The following PPP3R1 variants were observed in gnomAD, a reference collection of about 807,000 sequenced individuals.
The protein encoded by PPP3R1 is protein phosphatase 3 regulatory subunit B, alpha.
Under a neutral mutation model 22.6 loss-of-function variants are expected in PPP3R1, and 5 were observed. That is an observed-to-expected ratio of 0.22 (90% CI 0.12 to 0.46). The LOEUF is 0.46. Among genes scored for constraint, PPP3R1 ranks in the 20% least tolerant of loss-of-function variants. The pLI is 0.99. For synonymous variants in PPP3R1, 56 were observed against 65.2 expected, an observed-to-expected ratio of 0.86 and a Z score of 0.68; for missense variants, 61 against 203.2, an observed-to-expected ratio of 0.30 and a Z score of 4.25.
At chr2:68,203,026 CTATT>C (rs1675020215) in intron 2 of PPP3R1, among the ~76,000 whole-genome samples, 1 of 152,032 alleles carries the variant, frequency 6.6e-6, no homozygotes, top group Non-Finnish European at 1.5e-5. Context: ...GTAACCCAAA[CTATT>C]TAAGTTCATG....
chr2:68,183,724 A>G (rs937081973), intron 5 of PPP3R1, among the ~76,000 whole-genome samples: 3 of 152,132 alleles, frequency 2.0e-5, no homozygotes, highest in African/African-American at 7.2e-5. Context: ...GGTCTTGTCT[A>G]ATCTGTTTGT....
chr2:68,202,607 T>G (rs1675005024), intron 2 of PPP3R1, among the ~76,000 whole-genome samples: 1 of 151,578 alleles, frequency 6.6e-6, no homozygotes, highest in Non-Finnish European at 1.5e-5. Context: ...CTATTTTTAG[T>G]AGAGACGAGG....
chr2:68,230,997 C>T (rs1426468569), intron 1 of PPP3R1, among the ~76,000 whole-genome samples: 1 of 152,194 alleles, frequency 6.6e-6, no homozygotes, highest in Non-Finnish European at 1.5e-5. Flanking sequence ...ATTCACTTGG[C>T]TTTTTAAAAC....
At chr2:68,200,334 TTCC>T (rs1156670193) in intron 2 of PPP3R1, among the ~76,000 whole-genome samples, 4 of 152,188 alleles carry the variant, frequency 2.6e-5, no homozygotes, top group Non-Finnish European at 4.4e-5. Flanking sequence ...TACCACTGAC[TTCC>T]TCCTTATATA....
intron 1 of PPP3R1, among the ~76,000 whole-genome samples, chr2:68,233,380 A>C (rs1307112177): frequency 6.6e-6 from 1 of 152,120 alleles, no homozygotes; most frequent in Non-Finnish European, 1.5e-5. Context: ...AAATATATTG[A>C]CTCCAGAACA....
intron 2 of PPP3R1, among the ~76,000 whole-genome samples, chr2:68,194,502 A>T (rs1020554288): frequency 1.3e-5 from 2 of 152,138 alleles, no homozygotes; most frequent in African/African-American, 4.8e-5. Flanking sequence ...AGAAGGTTAC[A>T]TATTCATTCA....
At chr2:68,188,266 AAGG>A (rs1411212819) in intron 3 of PPP3R1, among the ~76,000 whole-genome samples, 1 of 152,182 alleles carries the variant, frequency 6.6e-6, no homozygotes, top group Non-Finnish European at 1.5e-5. Flanking sequence ...TCTAAAAAGA[AAGG>A]AAATACTGAG....
rs137941615 is a variant in PPP3R1 at position 68,208,017 on chromosome 2, G to A, written c.43+9075C>T. Among the ~76,000 whole-genome samples, 1,162 of 152,248 alleles carry A rather than the reference G, an allele frequency of 7.6e-3. 7 individuals are homozygous for A. Among genetic ancestry groups the A allele is most frequent in the African/African-American group, 0.027 (1,113 of 41,548 alleles). ...CTAAAAATACAAAAATTAGCCAGGC[G>A]TGGTGGTGGGTGCCTGTAATCCCAG... is the stretch of plus-strand genomic sequence containing the variant. On this transcript the variant is annotated intron_variant, in intron 2 of 5. Coordinates refer to ENST00000234310, the MANE Select transcript of PPP3R1 (RefSeq NM_000945.4).
chr2:68,252,532 C>A lies in PPP3R1; in HGVS notation c.-405G>T. The A allele has an allele frequency of 1.1e-6, 1 of 892,140 alleles. No homozygotes were observed. Among genetic ancestry groups the A allele is most frequent in the East Asian group, 1.6e-4 (1 of 6,092 alleles). 55.3% of individuals were successfully genotyped at this position (892,140 alleles called of 1,614,324 possible). ...CGCGCTGACCCGCAACCTCAAGGCA[C>A]GAAAAAAGGGGAGGGCGGAGAGGGA... On this transcript the variant is annotated 5_prime_UTR_variant, in exon 1 of 6. Coordinates refer to ENST00000234310, the MANE Select transcript of PPP3R1 (RefSeq NM_000945.4).
chr2:68,207,943 A>G (rs1255362491), intron 2 of PPP3R1, among the ~76,000 whole-genome samples: 1 of 152,124 alleles, frequency 6.6e-6, no homozygotes, highest in Non-Finnish European at 1.5e-5. Flanking sequence ...CTCGCCTGGG[A>G]TCAGGAGTTC....
intron 2 of PPP3R1, among the ~76,000 whole-genome samples, chr2:68,211,074 A>C (rs1176776425): frequency 6.6e-6 from 1 of 152,198 alleles, no homozygotes; most frequent in Admixed American, 6.5e-5. Context: ...GTGCAATAAC[A>C]TTATGCCTAA....
intron 2 of PPP3R1, among the ~76,000 whole-genome samples, chr2:68,215,283 A>G (rs976128162): frequency 2.6e-5 from 4 of 152,114 alleles, no homozygotes; most frequent in Non-Finnish European, 4.4e-5. Context: ...ACCTAAAATA[A>G]AAGTTTAAAA....
At chr2:68,183,727 CTGTT>C (rs1187513549) in intron 5 of PPP3R1, among the ~76,000 whole-genome samples, 2 of 152,108 alleles carry the variant, frequency 1.3e-5, no homozygotes, top group South Asian at 2.1e-4. Flanking sequence ...CTTGTCTAAT[CTGTT>C]TGTTTTGAAC....
chr2:68,228,321 A>G (rs1669825834), intron 1 of PPP3R1, among the ~76,000 whole-genome samples: 1 of 152,166 alleles, frequency 6.6e-6, no homozygotes, highest in Admixed American at 6.5e-5. Context: ...CTACACTGAC[A>G]TGAGGATGTT....
intron 2 of PPP3R1, among the ~76,000 whole-genome samples, chr2:68,209,776 C>A (rs1401163889): frequency 2.0e-5 from 3 of 151,948 alleles, no homozygotes; most frequent in Admixed American, 2.0e-4. Flanking sequence ...GAGTTTTAAA[C>A]TCCCTCTATC....
intron 2 of PPP3R1, among the ~76,000 whole-genome samples, chr2:68,214,574 A>C (rs1293244158): frequency 2.6e-5 from 4 of 152,212 alleles, no homozygotes; most frequent in African/African-American, 2.4e-5. Flanking sequence ...TCAAAACCAC[A>C]ATTAGATACT....
At chr2:68,229,846 TA>T (rs1203626868) in intron 1 of PPP3R1, among the ~76,000 whole-genome samples, 22 of 152,010 alleles carry the variant, frequency 1.4e-4, no homozygotes, top group Admixed American at 1.4e-3. Flanking sequence ...ATTCTGCCAG[TA>T]TGTTTAATTG....
chr2:68,195,409 T>C (rs185391243), intron 2 of PPP3R1, among the ~76,000 whole-genome samples: 9 of 152,168 alleles, frequency 5.9e-5, no homozygotes, highest in Non-Finnish European at 1.0e-4. Context: ...ATATGTCTTA[T>C]TACTAGTGAT....
Position 68,252,490 on chromosome 2 carries a change from G to C in PPP3R1, c.-363C>G, listed in dbSNP as rs1293077931. Reference sequence around the variant, plus strand: ...TCGCGCTCGCGCCGGAGCCGTGACGGACTCACTGCAGCGGCTCGCGCTGAC... The same window carrying C: ...TCGCGCTCGCGCCGGAGCCGTGACGCACTCACTGCAGCGGCTCGCGCTGAC... On this transcript the variant is annotated 5_prime_UTR_variant, in exon 1 of 6. Transcript: ENST00000234310. 2.0e-6 allele frequency: 2 copies of C among 977,370 alleles called. No individual in the cohort carries two copies. Among genetic ancestry groups the C allele is most frequent in the East Asian group, 2.4e-4 (2 of 8,462 alleles). 60.5% of individuals were successfully genotyped at this position (977,370 alleles called of 1,614,324 possible).
Sources: allele counts gnomAD v4.1 joint callset (sites outside exome capture counted in the v4.1 genomes callset), GRCh38; gene constraint gnomAD v4.1.1; transcripts MANE v1.5; gene names NCBI Gene and HGNC (gene_info 2026-07-23, HGNC 2026-07-21).